RAB3B: variants seen among roughly 807,000 people sequenced by gnomAD.
The protein encoded by RAB3B is RAB3B, member RAS oncogene family, also known as ras-related protein Rab-3B.
In RAB3B, 11 loss-of-function variants were observed where a neutral mutation model predicts 20.5. That is an observed-to-expected ratio of 0.54 (90% CI 0.34 to 0.89). The LOEUF (loss-of-function observed/expected upper bound fraction) is 0.89. Among genes scored for constraint, RAB3B ranks in the 40% least tolerant of loss-of-function variants. The pLI is 0.02. For synonymous variants in RAB3B, 99 were observed against 106.3 expected, an observed-to-expected ratio of 0.93 and a Z score of 0.42; for missense variants, 225 against 280.9, an observed-to-expected ratio of 0.80 and a Z score of 1.42.
intron 1 of RAB3B, among the ~76,000 whole-genome samples, chr1:51,989,107 A>G (rs574771484): frequency 9.8e-4 from 137 of 139,350 alleles, no homozygotes; most frequent in Middle Eastern, 3.6e-3. Flanking sequence ...GCGCGCGCAC[A>G]CACACACACA....
intron 4 of RAB3B, among the ~76,000 whole-genome samples, chr1:51,924,553 A>G (rs1433483414): frequency 6.6e-6 from 1 of 152,174 alleles, no homozygotes. Flanking sequence ...GGGCCATAGC[A>G]GTTTGTTATC....
At chr1:51,963,266 C>G (rs1338118322) in intron 2 of RAB3B, among the ~76,000 whole-genome samples, 1 of 152,158 alleles carries the variant, frequency 6.6e-6, no homozygotes, top group African/African-American at 2.4e-5. Flanking sequence ...CCAGCATCAA[C>G]AGTCTTCTTT....
At chr1:51,966,715 A>G (rs1684856915) in intron 2 of RAB3B, among the ~76,000 whole-genome samples, 1 of 152,138 alleles carries the variant, frequency 6.6e-6, no homozygotes, top group African/African-American at 2.4e-5. Flanking sequence ...ACACCAGGAA[A>G]CTTGCTGCCT....
intron 4 of RAB3B, among the ~76,000 whole-genome samples, chr1:51,920,685 A>G (rs1333881097): frequency 6.6e-6 from 1 of 152,172 alleles, no homozygotes; most frequent in Non-Finnish European, 1.5e-5. Context: ...TGCCCAAGAT[A>G]AGGAAAAGCA....
chr1:51,931,636 A>G (rs974217847), intron 4 of RAB3B, among the ~76,000 whole-genome samples: 5 of 152,266 alleles, frequency 3.3e-5, no homozygotes, highest in Non-Finnish European at 4.4e-5. Flanking sequence ...TCCTGTCTGC[A>G]GGGAACTTTC....
intron 2 of RAB3B, among the ~76,000 whole-genome samples, chr1:51,970,110 C>G (rs564734034): frequency 6.6e-6 from 1 of 151,226 alleles, no homozygotes; most frequent in African/African-American, 2.4e-5. Context: ...AACAAACAAA[C>G]AAACAAAAAA....
At chr1:51,934,239 C>T (rs1684365037) in intron 3 of RAB3B, among the ~76,000 whole-genome samples, 2 of 152,142 alleles carry the variant, frequency 1.3e-5, no homozygotes, top group South Asian at 4.1e-4. Context: ...TCTTCCATGG[C>T]TTGTGCTTTT....
chr1:51,960,126 G>T (rs141024530), intron 2 of RAB3B, among the ~76,000 whole-genome samples: 1 of 152,208 alleles, frequency 6.6e-6, no homozygotes, highest in African/African-American at 2.4e-5. Context: ...GTCCAAGGGG[G>T]AGAACAGGAA....
intron 2 of RAB3B, among the ~76,000 whole-genome samples, chr1:51,940,626 A>G (rs926144599): frequency 4.1e-5 from 6 of 146,880 alleles, no homozygotes; most frequent in African/African-American, 1.0e-4. Flanking sequence ...TCTCAAAAGG[A>G]AAAAAAAAAA....
Position 51,919,772 on chromosome 1 carries a change from C to T in RAB3B, c.*155G>A. The T allele has an allele frequency of 2.8e-6, 2 of 716,224 alleles. No homozygotes were observed. The highest frequency in any genetic ancestry group is 4.5e-6 in the Non-Finnish European group (2 of 445,282). The allele number at this position is 716,224 out of a possible 1,614,324, so 44.4% of individuals were successfully genotyped here. A position where few individuals can be genotyped will look rare whatever the true frequency, so the allele number is the denominator to read the frequency against. On this transcript the variant is annotated 3_prime_UTR_variant, in exon 5 of 5. Transcript: ENST00000371655. ...ATTACTGGGACCATCTGCAGAGAAC[C>T]CCAGGGGCAGGCAAAGAATAGCAGC... is the stretch of plus-strand genomic sequence containing the variant.
At chr1:51,986,273 C>G (rs1488189980) in intron 1 of RAB3B, among the ~76,000 whole-genome samples, 1 of 151,838 alleles carries the variant, frequency 6.6e-6, no homozygotes, top group African/African-American at 2.4e-5. Flanking sequence ...GCCTCAGCCT[C>G]CCGAGTAGCT....
intron 2 of RAB3B, among the ~76,000 whole-genome samples, chr1:51,959,059 G>A (rs2795008): frequency 0.21 from 32,254 of 152,200 alleles, 4,169 homozygotes; most frequent in Non-Finnish European, 0.29. Flanking sequence ...AGTCTGGGAG[G>A]AAGACAGGTG....
At chr1:51,949,609 C>A (rs1684609313) in intron 2 of RAB3B, among the ~76,000 whole-genome samples, 1 of 152,238 alleles carries the variant, frequency 6.6e-6, no homozygotes, top group Non-Finnish European at 1.5e-5. Flanking sequence ...CATGTCACCC[C>A]AAGGGGAAGG....
chr1:51,978,617 T>C lies in RAB3B; in HGVS notation c.1-1500A>G, dbSNP rs143901259. Among the ~76,000 whole-genome samples the C allele has an allele frequency of 5.9e-5, 9 of 152,322 alleles. No homozygotes were observed. The East Asian group carries it at 1.7e-3, about 29-fold the overall frequency. The stretch of plus-strand genomic sequence containing the variant: ...CACATGGTCTTATTTAAGTCTTTAA[T>C]TGCTTCTCCTATGTCTTGGAAGCCT... On this transcript the variant is annotated intron_variant, in intron 1 of 4. Transcript: ENST00000371655.
At chr1:51,933,040 C>G (rs968466925) in intron 4 of RAB3B, among the ~76,000 whole-genome samples, 2 of 151,366 alleles carry the variant, frequency 1.3e-5, no homozygotes, top group Non-Finnish European at 2.9e-5. Flanking sequence ...GTGGAAGGAA[C>G]TGGTAAAAAA....
At chr1:51,931,455 T>C (rs1207597640) in intron 4 of RAB3B, among the ~76,000 whole-genome samples, 1 of 152,178 alleles carries the variant, frequency 6.6e-6, no homozygotes, top group African/African-American at 2.4e-5. Flanking sequence ...ATGTAGCCTA[T>C]TTCACAGCTC....
At chr1:51,934,709 G>A (rs1307716741) in intron 3 of RAB3B, among the ~76,000 whole-genome samples, 2 of 146,908 alleles carry the variant, frequency 1.4e-5, no homozygotes, top group African/African-American at 5.0e-5. Context: ...CCGGGAGGTG[G>A]AGCTTGCAGT....
At chr1:51,978,631 T>C (rs1162598597) in intron 1 of RAB3B, among the ~76,000 whole-genome samples, 1 of 152,220 alleles carries the variant, frequency 6.6e-6, no homozygotes, top group Non-Finnish European at 1.5e-5. Flanking sequence ...TTCTCCTATG[T>C]CTTGGAAGCC....
At chr1:51,987,104 T>G (rs1354752059) in intron 1 of RAB3B, among the ~76,000 whole-genome samples, 4 of 152,150 alleles carry the variant, frequency 2.6e-5, no homozygotes, top group African/African-American at 9.7e-5. Flanking sequence ...AAAGGGTGGC[T>G]GTGAAAAACA....
Sources: allele counts gnomAD v4.1 joint callset (sites outside exome capture counted in the v4.1 genomes callset), GRCh38; gene constraint gnomAD v4.1.1; transcripts MANE v1.5; gene names NCBI Gene and HGNC (gene_info 2026-07-23, HGNC 2026-07-21).